GRIN2A: variants seen among roughly 807,000 people sequenced by gnomAD.
GRIN2A encodes the protein glutamate ionotropic receptor NMDA type subunit 2A, also known as glutamate receptor ionotropic, NMDA 2A.
In GRIN2A, 22 loss-of-function variants were observed where a neutral mutation model predicts 113.4. The ratio of observed to expected loss-of-function variants is 0.19; its 90% confidence interval spans 0.14 to 0.28. The LOEUF (loss-of-function observed/expected upper bound fraction) is 0.28. Among genes scored for constraint, GRIN2A ranks in the 10% least tolerant of loss-of-function variants. GRIN2A has a pLI of 1.00. For synonymous variants in GRIN2A, 827 were observed against 738.4 expected, an observed-to-expected ratio of 1.12 and a Z score of -1.94; for missense variants, 1,502 against 1,887.0, an observed-to-expected ratio of 0.80 and a Z score of 3.78.
At chr16:9,903,575 A>AT (rs1448860358) in intron 3 of GRIN2A, among the ~76,000 whole-genome samples, 4 of 152,048 alleles carry the variant, frequency 2.6e-5, no homozygotes, top group Non-Finnish European at 4.4e-5. Flanking sequence ...TGTCCATATT[A>AT]TTTTTCTGCA....
chr16:10,165,647 G>C (rs115617719), intron 2 of GRIN2A, among the ~76,000 whole-genome samples: 3,377 of 137,660 alleles, frequency 0.025, 102 homozygotes, highest in African/African-American at 0.064. Context: ...AAACAGGAGA[G>C]AGACAGAGAC....
chr16:10,105,158 A>G (rs5009715), intron 2 of GRIN2A, among the ~76,000 whole-genome samples: 10 of 114,708 alleles, frequency 8.7e-5, no homozygotes, highest in African/African-American at 3.4e-4. Context: ...AGAAGCCTGG[A>G]GAAGCCTGGG....
chr16:10,090,819 A>G (rs2142080785), intron 2 of GRIN2A, among the ~76,000 whole-genome samples: 1 of 152,336 alleles, frequency 6.6e-6, no homozygotes, highest in African/African-American at 2.4e-5. Flanking sequence ...AAATATATAA[A>G]GAACTCCTAC....
At chr16:10,091,854 T>C (rs534388957) in intron 2 of GRIN2A, among the ~76,000 whole-genome samples, 95 of 152,310 alleles carry the variant, frequency 6.2e-4, no homozygotes, top group African/African-American at 2.2e-3. Flanking sequence ...CAGTGCTTGC[T>C]TGGGGCTGGG....
At position 10,180,548 on chromosome 16, in the gene GRIN2A, G is replaced by A; in HGVS notation, c.-18-119C>T. On this transcript the variant is annotated intron_variant, in intron 1 of 12. Transcript: ENST00000330684. The surrounding 1 kb of genome is among the most constrained non-coding windows in gnomAD (Gnocchi z 7.0). ...ATGGAACTCAGCAGCAGGATAGGCT[G>A]CTGGGATCACGGACTCCATTCCGAG... 4 of 1,500,582 alleles carry A rather than the reference G, an allele frequency of 2.7e-6. No individual in the cohort carries two copies. Among genetic ancestry groups the A allele is most frequent in the Non-Finnish European group, 3.5e-6 (4 of 1,129,662 alleles). The allele number at this position is 1,500,582 out of a possible 1,614,324, so 93.0% of individuals were successfully genotyped here. A position where few individuals can be genotyped will look rare whatever the true frequency, so the allele number is the denominator to read the frequency against.
intron 2 of GRIN2A, chr16:10,031,326 T>C (rs57130757): frequency 1.3e-5 from 2 of 152,426 alleles, no homozygotes; most frequent in African/African-American, 2.4e-5. Flanking sequence ...GATACTCACA[T>C]GGGTGTCCCT....
chr16:9,779,188 G>T (rs1388452327), intron 11 of GRIN2A, among the ~76,000 whole-genome samples: 1 of 152,216 alleles, frequency 6.6e-6, no homozygotes, highest in Non-Finnish European at 1.5e-5. Context: ...CTCCCAGGTT[G>T]GGGAGATGCC....
In GRIN2A at chr16:9,763,699, T is replaced by C. The variant is rs1480366023; in HGVS notation, c.3845A>G (p.Asn1282Ser). ...ATGCTGACGGCTAATCCTTAGCTTG[T>C]TCTTTTGTAATTGAAGGGCATTGTT... ...AQNNALQLQK[N>S]KLRISRQHSY... Residue 1282 changes from asparagine (N) to serine (S), a missense_variant, in exon 13 of 13, where the codon AAC becomes AGC. By Grantham distance (46) the Asn-to-Ser change is conservative (BLOSUM62 1). Transcript: ENST00000330684. 3 of 1,614,102 alleles carry C rather than the reference T, an allele frequency of 1.9e-6. No homozygotes were observed. Among genetic ancestry groups the C allele is most frequent in the East Asian group, 2.2e-5 (1 of 44,886 alleles).
At chr16:9,907,575 A>G (rs2044051181) in intron 3 of GRIN2A, among the ~76,000 whole-genome samples, 1 of 152,234 alleles carries the variant, frequency 6.6e-6, no homozygotes. Flanking sequence ...CAAGAATCAT[A>G]CAGTCATGCC....
chr16:9,814,256 C>T (rs2042144363), intron 10 of GRIN2A, among the ~76,000 whole-genome samples: 1 of 152,218 alleles, frequency 6.6e-6, no homozygotes, highest in South Asian at 2.1e-4. Flanking sequence ...GCCTAGGTGG[C>T]ATTTCCAAGT....
chr16:9,910,562 C>T (rs1362104652), intron 3 of GRIN2A, among the ~76,000 whole-genome samples: 3 of 115,998 alleles, frequency 2.6e-5, no homozygotes, highest in East Asian at 2.4e-4. Context: ...TTTTTTGAGA[C>T]GGAGTCTTGC....
At chr16:10,028,617 T>G (rs1286544023) in intron 2 of GRIN2A, among the ~76,000 whole-genome samples, 1 of 152,168 alleles carries the variant, frequency 6.6e-6, no homozygotes, top group African/African-American at 2.4e-5. Context: ...AATCCCCACA[T>G]GAAGAGAAGC....
chr16:10,044,796 T>C (rs949826000), intron 2 of GRIN2A, among the ~76,000 whole-genome samples: 10 of 152,120 alleles, frequency 6.6e-5, no homozygotes, highest in African/African-American at 2.4e-4. Context: ...ATTCCTCTTT[T>C]AGACTGTAAG....
At chr16:9,990,543 A>ACGCG (rs1491488487) in intron 2 of GRIN2A, among the ~76,000 whole-genome samples, 2 of 120,158 alleles carry the variant, frequency 1.7e-5, no homozygotes, top group African/African-American at 6.3e-5. Flanking sequence ...CTCTCTCTCT[A>ACGCG]CACGCGCGCG....
chr16:9,880,075 G>C (rs1199447078), intron 4 of GRIN2A, among the ~76,000 whole-genome samples: 1 of 152,174 alleles, frequency 6.6e-6, no homozygotes, highest in African/African-American at 2.4e-5. Context: ...AGAAGTCCCA[G>C]CGGGCTCAGC....
intron 3 of GRIN2A, among the ~76,000 whole-genome samples, chr16:9,933,042 G>C (rs909088911): frequency 3.3e-5 from 5 of 152,218 alleles, no homozygotes; most frequent in Admixed American, 3.3e-4. Flanking sequence ...GGAGTTAACA[G>C]TGACATGGTC....
At chr16:9,851,434 C>T (rs1425747821) in intron 4 of GRIN2A, among the ~76,000 whole-genome samples, 4 of 152,184 alleles carry the variant, frequency 2.6e-5, no homozygotes, top group African/African-American at 4.8e-5. Context: ...TGAAGACCTA[C>T]GATGTCCCAG....
chr16:10,129,158 C>T (rs2142211003), intron 2 of GRIN2A, among the ~76,000 whole-genome samples: 1 of 152,120 alleles, frequency 6.6e-6, no homozygotes, highest in Non-Finnish European at 1.5e-5. Flanking sequence ...TCACTGCAGC[C>T]TCAAATTTCT....
chr16:9,814,569 G>T (rs76982053), intron 10 of GRIN2A, among the ~76,000 whole-genome samples: 3,930 of 152,220 alleles, frequency 0.026, 193 homozygotes, highest in African/African-American at 0.09. Flanking sequence ...CTCACATTTT[G>T]CCACATCTCC....
Sources: gnomAD v4.1 joint callset for allele counts (sites outside exome capture counted in the v4.1 genomes callset) on GRCh38, gnomAD v4.1.1 for gene constraint, Gnocchi (gnomAD v3.1) non-coding constraint, MANE v1.5 for transcripts, NCBI Gene and HGNC (gene_info 2026-07-23, HGNC 2026-07-21) for gene names.